STXBP5L: variants seen among roughly 807,000 people sequenced by gnomAD.
STXBP5L encodes syntaxin-binding protein 5-like.
Under a neutral mutation model 144.5 loss-of-function variants are expected in STXBP5L, and 65 were observed. The observed-to-expected ratio is 0.45, with a 90% CI of 0.37 to 0.55. The LOEUF (loss-of-function observed/expected upper bound fraction) is 0.55, where lower values mean the gene tolerates loss of function less well. Among genes scored for constraint, STXBP5L ranks in the 20% least tolerant of loss-of-function variants. STXBP5L has a pLI of 0.00. For synonymous variants in STXBP5L, 505 were observed against 469.6 expected (o/e 1.08, Z -0.97); for missense variants, 1,298 against 1,405.5 (o/e 0.92, Z 1.22).
chr3:120,977,731 G>A (rs541074208), intron 3 of STXBP5L, among the ~76,000 whole-genome samples: 1 of 152,114 alleles, frequency 6.6e-6, no homozygotes, highest in Non-Finnish European at 1.5e-5. Flanking sequence ...CTCTTTTAGG[G>A]CAGGCCTGGT....
intron 17 of STXBP5L, 66 bp from the exon 18 acceptor site, chr3:121,258,977 T>A (rs920474907): frequency 1.4e-6 from 2 of 1,418,014 alleles, no homozygotes; most frequent in Non-Finnish European, 1.9e-6. Flanking sequence ...TCTATGTAAA[T>A]TCTCAAGATA....
chr3:121,199,292 C>A (rs1351998159), intron 9 of STXBP5L, among the ~76,000 whole-genome samples: 1 of 151,644 alleles, frequency 6.6e-6, no homozygotes, highest in African/African-American at 2.4e-5. Flanking sequence ...TGTCTATTAT[C>A]GATGTATAGG....
intron 20 of STXBP5L, among the ~76,000 whole-genome samples, chr3:121,342,516 G>A (rs1257882459): frequency 9.5e-6 from 1 of 104,742 alleles, no homozygotes; most frequent in Non-Finnish European, 1.9e-5. Flanking sequence ...CCCCACAACG[G>A]TCCCCAGAGT....
chr3:120,995,287 G>A (rs749035818), intron 3 of STXBP5L, among the ~76,000 whole-genome samples: 23 of 151,842 alleles, frequency 1.5e-4, no homozygotes, highest in Admixed American at 3.3e-4. Context: ...AGCTGGGATC[G>A]CAGGAGTGTT....
intron 3 of STXBP5L, among the ~76,000 whole-genome samples, chr3:121,021,076 C>T (rs1057378414): frequency 1.6e-4 from 25 of 152,010 alleles, no homozygotes; most frequent in Admixed American, 8.5e-4. Flanking sequence ...GGTGGAAAAA[C>T]ATAGTCCATG....
At chr3:121,094,115 G>C (rs1172005756) in intron 5 of STXBP5L, among the ~76,000 whole-genome samples, 1 of 152,112 alleles carries the variant, frequency 6.6e-6, no homozygotes, top group Non-Finnish European at 1.5e-5. Flanking sequence ...GTTCTAGTTT[G>C]ATTGCACTGT....
intron 3 of STXBP5L, among the ~76,000 whole-genome samples, chr3:121,002,522 C>T (rs1265875422): frequency 6.6e-6 from 1 of 152,098 alleles, no homozygotes; most frequent in Non-Finnish European, 1.5e-5. Flanking sequence ...ATTTTATTTG[C>T]AGAAACTCAG....
intron 5 of STXBP5L, among the ~76,000 whole-genome samples, chr3:121,071,593 A>C (rs1261616227): frequency 6.6e-6 from 1 of 152,140 alleles, no homozygotes; most frequent in African/African-American, 2.4e-5. Flanking sequence ...CTGCAACTTT[A>C]ACAGCTGTGC....
chr3:121,377,589 C>T (rs2046220890), intron 20 of STXBP5L, among the ~76,000 whole-genome samples: 1 of 152,176 alleles, frequency 6.6e-6, no homozygotes, highest in African/African-American at 2.4e-5. Context: ...CATCACTGGT[C>T]ATTAGAGAAA....
intron 3 of STXBP5L, among the ~76,000 whole-genome samples, chr3:121,025,924 C>A (rs1576697444): frequency 7.0e-6 from 1 of 143,786 alleles, no homozygotes; most frequent in East Asian, 2.0e-4. Flanking sequence ...ATAAATATAT[C>A]TATAATTTTA....
At chr3:121,072,818 C>G (rs2041862055) in intron 5 of STXBP5L, among the ~76,000 whole-genome samples, 1 of 152,176 alleles carries the variant, frequency 6.6e-6, no homozygotes, top group African/African-American at 2.4e-5. Flanking sequence ...AAGAGCTTCT[C>G]TATTTCCTTT....
At chr3:120,992,145 T>G (rs1024599584) in intron 3 of STXBP5L, among the ~76,000 whole-genome samples, 1 of 151,922 alleles carries the variant, frequency 6.6e-6, no homozygotes, top group African/African-American at 2.4e-5. Flanking sequence ...TTAAAAAAAC[T>G]TATTTATTTA....
At chr3:121,320,096 G>A (rs983030361) in intron 20 of STXBP5L, among the ~76,000 whole-genome samples, 3 of 152,024 alleles carry the variant, frequency 2.0e-5, no homozygotes, top group Non-Finnish European at 4.4e-5. Flanking sequence ...GATTTCACTG[G>A]ATCTATAGAT....
intron 18 of STXBP5L, among the ~76,000 whole-genome samples, chr3:121,260,610 A>G (rs959478097): frequency 9.2e-5 from 14 of 152,124 alleles, no homozygotes; most frequent in Non-Finnish European, 2.9e-5. Context: ...GTATTAAACT[A>G]TATTTTTTCC....
At chr3:121,096,661 C>G (rs55735561) in intron 5 of STXBP5L, among the ~76,000 whole-genome samples, 2,713 of 152,048 alleles carry the variant, frequency 0.018, 38 homozygotes, top group Non-Finnish European at 0.031. Context: ...TGGGTATAAC[C>G]AGGGGCGGCT....
intron 20 of STXBP5L, among the ~76,000 whole-genome samples, chr3:121,345,564 G>C (rs1379592401): frequency 6.6e-6 from 1 of 152,134 alleles, no homozygotes; most frequent in Admixed American, 6.6e-5. Flanking sequence ...TCTAGTTCTA[G>C]ATTCTTGAGG....
At chr3:121,294,723 G>A (rs1227416550) in intron 19 of STXBP5L, among the ~76,000 whole-genome samples, 1 of 151,954 alleles carries the variant, frequency 6.6e-6, no homozygotes, top group Non-Finnish European at 1.5e-5. Context: ...TTTAATTTCA[G>A]GAAGAAGAGG....
chr3:121,006,677 A>T (rs144764561), intron 3 of STXBP5L, among the ~76,000 whole-genome samples: 1 of 152,186 alleles, frequency 6.6e-6, no homozygotes, highest in African/African-American at 2.4e-5. Flanking sequence ...ATGTTTTTGC[A>T]GTGGCTGGTG....
At chr3:120,956,517 T>G (rs2107710282) in intron 3 of STXBP5L, among the ~76,000 whole-genome samples, 1 of 152,080 alleles carries the variant, frequency 6.6e-6, no homozygotes, top group East Asian at 1.9e-4. Context: ...TTCCTTCCTT[T>G]TTAAGACTGA....
Sources: allele counts gnomAD v4.1 joint callset (sites outside exome capture counted in the v4.1 genomes callset), GRCh38; gene constraint gnomAD v4.1.1; transcripts MANE v1.5; gene names NCBI Gene and HGNC (gene_info 2026-07-23, HGNC 2026-07-21).